Variants in PITPNC1 observed in about 807,000 individuals in gnomAD.
PITPNC1 encodes the protein cytoplasmic phosphatidylinositol transfer protein 1.
PITPNC1 carries 18 observed loss-of-function variants against 44.7 expected under a neutral mutation model. The observed-to-expected ratio is 0.40, with a 90% CI of 0.28 to 0.60. The LOEUF is 0.60. Among genes scored for constraint, PITPNC1 ranks in the 20% least tolerant of loss-of-function variants. The pLI, the probability that PITPNC1 is intolerant of heterozygous loss-of-function variation, is 0.39. For synonymous variants in PITPNC1, 141 were observed against 149.6 expected, an observed-to-expected ratio of 0.94 and a Z score of 0.42; for missense variants, 290 against 418.4, an observed-to-expected ratio of 0.69 and a Z score of 2.68.
intron 6 of PITPNC1, among the ~76,000 whole-genome samples, chr17:67,649,976 G>A (rs11658220): frequency 0.09 from 13,630 of 152,034 alleles, 635 homozygotes; most frequent in Middle Eastern, 0.17. Flanking sequence ...GTGTTTAAGC[G>A]TTTATGGAGC....
chr17:67,678,426 C>T (rs554088991), intron 8 of PITPNC1, among the ~76,000 whole-genome samples: 14 of 152,156 alleles, frequency 9.2e-5, no homozygotes, highest in Non-Finnish European at 1.9e-4. Context: ...ACACTGTGGG[C>T]TTTAGTGAAT....
rs115326378 is a variant in PITPNC1, at chr17:67,655,173, T to C, written c.463-14335T>C. On this transcript the variant is annotated intron_variant, in intron 6 of 8. Transcript: ENST00000581322. ...CATTGACAGATTCAGTGCCTGGAGA[T>C]GGCTCGTTTCTTGGTTCATAGATGG... Among the ~76,000 whole-genome samples, 541 of 152,302 alleles carry C rather than the reference T, an allele frequency of 3.6e-3. 3 individuals are homozygous for C. The highest frequency in any genetic ancestry group is 0.012 in the African/African-American group (517 of 41,568).
At chr17:67,492,358 GAC>G (rs1309715737) in intron 1 of PITPNC1, among the ~76,000 whole-genome samples, 1 of 152,190 alleles carries the variant, frequency 6.6e-6, no homozygotes, top group African/African-American at 2.4e-5. Context: ...AGAAGACACA[GAC>G]ACACAGGAAG....
intron 5 of PITPNC1, among the ~76,000 whole-genome samples, chr17:67,609,288 CTTT>C (rs34987217): frequency 3.5e-5 from 4 of 114,270 alleles, no homozygotes; most frequent in Non-Finnish European, 3.4e-5. Context: ...CTTCTTCTTC[CTTT>C]TTTTTTTTTT....
At chr17:67,598,153 C>G (rs1280208346) in intron 5 of PITPNC1, among the ~76,000 whole-genome samples, 1 of 151,782 alleles carries the variant, frequency 6.6e-6, no homozygotes, top group Non-Finnish European at 1.5e-5. Context: ...ACCAGGGAGT[C>G]GGAGGTTGCA....
chr17:67,523,818 T>G (rs916021629), intron 1 of PITPNC1, among the ~76,000 whole-genome samples: 13 of 148,728 alleles, frequency 8.7e-5, no homozygotes, highest in Non-Finnish European at 1.9e-4. Context: ...TTTTTTTTTT[T>G]TTTTTTTTTT....
At chr17:67,458,252 G>T (rs1448666415) in intron 1 of PITPNC1, among the ~76,000 whole-genome samples, 1 of 152,060 alleles carries the variant, frequency 6.6e-6, no homozygotes, top group Non-Finnish European at 1.5e-5. Context: ...CTCAGCATCT[G>T]CTTCTTGGAG....
chr17:67,572,471 G>C (rs533041483), intron 4 of PITPNC1, among the ~76,000 whole-genome samples: 7 of 109,760 alleles, frequency 6.4e-5, no homozygotes, highest in Admixed American at 6.1e-4. Context: ...GGTAAAGCGG[G>C]GGGGGGGGGT....
At chr17:67,602,314 G>A (rs769460398) in intron 5 of PITPNC1, among the ~76,000 whole-genome samples, 2 of 152,166 alleles carry the variant, frequency 1.3e-5, no homozygotes, top group African/African-American at 2.4e-5. Flanking sequence ...TCCTGGGAGT[G>A]AGAGTAAGAG....
At chr17:67,457,160 T>C (rs1431995790) in intron 1 of PITPNC1, 1 of 152,156 alleles carries the variant, frequency 6.6e-6, no homozygotes, top group Non-Finnish European at 1.5e-5. Flanking sequence ...GATCACCATA[T>C]TGATGCCAAA....
At chr17:67,490,663 A>G (rs566875074) in intron 1 of PITPNC1, among the ~76,000 whole-genome samples, 1 of 152,274 alleles carries the variant, frequency 6.6e-6, no homozygotes, top group South Asian at 2.1e-4. Context: ...AAATAAAAGG[A>G]TACGAAATAA....
intron 5 of PITPNC1, among the ~76,000 whole-genome samples, chr17:67,620,726 C>T (rs752389481): frequency 9.2e-5 from 14 of 152,186 alleles, no homozygotes; most frequent in East Asian, 1.9e-4. Flanking sequence ...GCAGCTAAGA[C>T]GATCCGGCCT....
At chr17:67,535,376 C>G (rs1263234374) in intron 2 of PITPNC1, among the ~76,000 whole-genome samples, 3 of 152,170 alleles carry the variant, frequency 2.0e-5, no homozygotes, top group African/African-American at 4.8e-5. Flanking sequence ...GAGGAAGATG[C>G]CAGAAAATAG....
At chr17:67,618,628 C>G (rs181995117) in intron 5 of PITPNC1, among the ~76,000 whole-genome samples, 3 of 151,606 alleles carry the variant, frequency 2.0e-5, no homozygotes, top group Non-Finnish European at 2.9e-5. Context: ...GCCAGCCCCC[C>G]ATAAACCCAG....
At chr17:67,578,119 A>G (rs777450942) in intron 4 of PITPNC1, 67 bp from the exon 5 acceptor site, 1 of 1,052,576 alleles carries the variant, frequency 9.5e-7, no homozygotes, top group South Asian at 1.3e-5. Flanking sequence ...AAGTATTCAG[A>G]AGCTCTGCTG....
intron 5 of PITPNC1, among the ~76,000 whole-genome samples, chr17:67,631,635 C>CAAA (rs1374813320): frequency 0.082 from 1,289 of 15,726 alleles, 413 homozygotes; most frequent in Non-Finnish European, 0.11. Context: ...TCTCAAAAAC[C>CAAA]AAAAAAAAAA....
At chr17:67,623,109 CAAAAAAAAAAAA>C (rs1198070826) in intron 5 of PITPNC1, among the ~76,000 whole-genome samples, 4 of 85,292 alleles carry the variant, frequency 4.7e-5, no homozygotes, top group East Asian at 4.0e-4. Context: ...TCCCAAAAGC[CAAAAAAAAAAAA>C]AAAAAAAAAA....
intron 1 of PITPNC1, among the ~76,000 whole-genome samples, chr17:67,427,809 G>A (rs1310746164): frequency 6.6e-6 from 1 of 152,154 alleles, no homozygotes; most frequent in African/African-American, 2.4e-5. Flanking sequence ...TTACCTTTAA[G>A]ATGGGAGATT....
rs567188833 is a variant in PITPNC1 at position 67,497,386 on chromosome 17, T to C, written c.49-35416T>C. Among the ~76,000 whole-genome samples the C allele has an allele frequency of 3.3e-5, 5 of 152,012 alleles. No homozygotes were observed. In the South Asian group the frequency reaches 6.2e-4, roughly 19 times the overall value. On this transcript the variant is annotated intron_variant, in intron 1 of 8. Coordinates refer to ENST00000581322, the MANE Select transcript of PITPNC1 (RefSeq NM_012417.4). ...AAGTCACCCTGTGCAGGCACACTTATAGGTACTGTATTCTTTGGAGCAGTA... is the reference window on the plus strand; with the variant it reads ...AAGTCACCCTGTGCAGGCACACTTACAGGTACTGTATTCTTTGGAGCAGTA...
Sources: allele counts gnomAD v4.1 joint callset (sites outside exome capture counted in the v4.1 genomes callset), GRCh38; gene constraint gnomAD v4.1.1; transcripts MANE v1.5; gene names NCBI Gene and HGNC (gene_info 2026-07-23, HGNC 2026-07-21).